The following ITPR2 variants were observed in gnomAD, a reference collection of about 807,000 sequenced individuals.
The protein encoded by ITPR2 is inositol 1,4,5-trisphosphate receptor type 2.
In ITPR2, 207 loss-of-function variants were observed where a neutral mutation model predicts 317.1. The observed-to-expected ratio is 0.65, with a 90% CI of 0.58 to 0.73. The LOEUF (loss-of-function observed/expected upper bound fraction) is 0.73. Ranked by LOEUF, ITPR2 falls within the 30% of genes least tolerant of loss-of-function variation. The pLI, the probability that ITPR2 is intolerant of heterozygous loss-of-function variation, is 0.00. For synonymous variants in ITPR2, 1,156 were observed against 1,149.1 expected, an observed-to-expected ratio of 1.01 and a Z score of -0.12; for missense variants, 2,613 against 3,284.0, an observed-to-expected ratio of 0.80 and a Z score of 4.99.
At chr12:26,820,982 A>G (rs1313477801) in intron 1 of ITPR2, among the ~76,000 whole-genome samples, 1 of 152,142 alleles carries the variant, frequency 6.6e-6, no homozygotes, top group Non-Finnish European at 1.5e-5. Context: ...GGGTAAGGAG[A>G]GAATGGGAAT....
chr12:26,779,497 G>A (rs1950039506), intron 2 of ITPR2, among the ~76,000 whole-genome samples: 1 of 152,174 alleles, frequency 6.6e-6, no homozygotes, highest in South Asian at 2.1e-4. Context: ...ACATGAGAAA[G>A]TGGCTCAAAT....
rs1443136604 is a variant in ITPR2, at chr12:26,817,051, T to G, written c.92+15639A>C. On this transcript the variant is annotated intron_variant, in intron 1 of 56. Coordinates refer to ENST00000381340, the MANE Select transcript of ITPR2 (RefSeq NM_002223.4). The stretch of plus-strand genomic sequence containing the variant: ...AAAAAATTAGCCGGGCATGGTGGCA[T>G]GCACCTGTAGTCCCAGCTACTGGGG... Among the ~76,000 whole-genome samples, 6 of 151,590 alleles carry G rather than the reference T, an allele frequency of 4.0e-5. No homozygotes were observed. The South Asian group carries it at 6.3e-4, about 16-fold the overall frequency.
At chr12:26,663,877 G>T in intron 14 of ITPR2, 31 bp from the exon 15 acceptor site, 1 of 1,544,746 alleles carries the variant, frequency 6.5e-7, no homozygotes, top group Non-Finnish European at 8.7e-7. Context: ...CACCTATTCT[G>T]ATGAATAAAA....
intron 22 of ITPR2, among the ~76,000 whole-genome samples, chr12:26,630,290 C>G (rs144414113): frequency 6.6e-6 from 1 of 150,694 alleles, no homozygotes; most frequent in South Asian, 2.1e-4. Context: ...TACGCCTAAT[C>G]AGGAAAAACA....
chr12:26,609,184 C>T (rs1216332067), intron 26 of ITPR2, among the ~76,000 whole-genome samples: 3 of 152,168 alleles, frequency 2.0e-5, no homozygotes, highest in African/African-American at 7.2e-5. Context: ...AATGTTGTTG[C>T]CTGATCTAAA....
chr12:26,641,745 C>T (rs1309372512), intron 21 of ITPR2, among the ~76,000 whole-genome samples: 1 of 152,080 alleles, frequency 6.6e-6, no homozygotes, highest in Non-Finnish European at 1.5e-5. Flanking sequence ...TTATTCTCCC[C>T]CTACTTTACT....
chr12:26,354,505 A>C (rs1031450743), intron 55 of ITPR2, among the ~76,000 whole-genome samples: 3 of 152,158 alleles, frequency 2.0e-5, no homozygotes, highest in Non-Finnish European at 4.4e-5. Context: ...ATCTGATTGT[A>C]CTGTGTTTGC....
chr12:26,653,650 G>A (rs1947309089), intron 21 of ITPR2, among the ~76,000 whole-genome samples: 1 of 152,178 alleles, frequency 6.6e-6, no homozygotes, highest in Non-Finnish European at 1.5e-5. Context: ...GCTGAGGCAG[G>A]AGAATTGCTT....
chr12:26,643,644 C>T (rs1325350301), intron 21 of ITPR2, among the ~76,000 whole-genome samples: 1 of 152,126 alleles, frequency 6.6e-6, no homozygotes, highest in African/African-American at 2.4e-5. Flanking sequence ...TTACTGGAAA[C>T]TACAGAAGAG....
intron 26 of ITPR2, among the ~76,000 whole-genome samples, chr12:26,620,460 G>C (rs551531281): frequency 6.6e-6 from 1 of 152,124 alleles, no homozygotes; most frequent in African/African-American, 2.4e-5. Flanking sequence ...CACCAGACAG[G>C]CATTTACAAA....
At chr12:26,744,766 G>A (rs1949290836) in intron 2 of ITPR2, among the ~76,000 whole-genome samples, 1 of 152,150 alleles carries the variant, frequency 6.6e-6, no homozygotes, top group Admixed American at 6.5e-5. Flanking sequence ...TAATTTCACT[G>A]GATTCTATTC....
Position 26,656,376 on chromosome 12 carries a change from G to C in ITPR2, c.2365C>G (p.Arg789Gly). 1 of 1,614,162 alleles carries C rather than the reference G, an allele frequency of 6.2e-7. No individual in the cohort carries two copies. Among genetic ancestry groups the C allele is most frequent in the Non-Finnish European group, 8.5e-7 (1 of 1,180,032 alleles). ...CRLMLHMHVDRDPQESVVPVR... is the reference protein window; with the variant it reads ...CRLMLHMHVDGDPQESVVPVR... ...GGCACCACGGACTCCTGGGGATCCC[G>C]GTCAACGTGCATGTGGAGCATGAGG... The change falls in exon 19 of 57, where the codon CGG becomes GGG. Residue 789 changes from arginine to glycine, a missense_variant. By Grantham distance (125) the Arg-to-Gly change is moderately radical. Around this residue, in one of 9 missense-constraint regions of ITPR2, gnomAD observed 817 missense variants for 897.6 expected, o/e 0.91. Transcript: ENST00000381340.
intron 54 of ITPR2, among the ~76,000 whole-genome samples, chr12:26,395,053 G>A (rs979187513): frequency 7.9e-5 from 12 of 152,164 alleles, no homozygotes; most frequent in African/African-American, 2.9e-4. Flanking sequence ...AGACATGCCT[G>A]TCTAACTGTC....
At chr12:26,697,001 G>C (rs940835133) in intron 9 of ITPR2, among the ~76,000 whole-genome samples, 7 of 152,204 alleles carry the variant, frequency 4.6e-5, no homozygotes, top group Admixed American at 2.6e-4. Context: ...GGTGTGAAGA[G>C]AGAAAAGGAA....
At chr12:26,401,504 T>C (rs1940175784) in intron 52 of ITPR2, among the ~76,000 whole-genome samples, 1 of 152,220 alleles carries the variant, frequency 6.6e-6, no homozygotes, top group Admixed American at 6.5e-5. Context: ...GGGATCCAAC[T>C]TGAAACATAA....
rs534391912 is a variant in ITPR2 at position 26,504,740 on chromosome 12, A to T, written c.5074-9480T>A. Reference sequence around the variant, plus strand: ...TGCTCAAGGAAACAAATAGTATCCCATCCTAGACATTTATATCTGCATGAT... The same window carrying T: ...TGCTCAAGGAAACAAATAGTATCCCTTCCTAGACATTTATATCTGCATGAT... On this transcript the variant is annotated intron_variant, in intron 37 of 56. Coordinates refer to ENST00000381340, the MANE Select transcript of ITPR2 (RefSeq NM_002223.4). Among the ~76,000 whole-genome samples, 3 of 152,334 alleles carry T rather than the reference A, an allele frequency of 2.0e-5. No individual in the cohort carries two copies. The South Asian group carries it at 6.2e-4, about 32-fold the overall frequency.
At chr12:26,771,584 G>A (rs35143480) in intron 2 of ITPR2, among the ~76,000 whole-genome samples, 31,171 of 152,064 alleles carry the variant, frequency 0.2, 3,853 homozygotes, top group Non-Finnish European at 0.28. Flanking sequence ...GTGCGATCTC[G>A]GCTCACTGCA....
intron 26 of ITPR2, 22 bp downstream of exon 26, chr12:26,621,101 C>T (rs1377719142): frequency 4.4e-6 from 7 of 1,597,352 alleles, no homozygotes; most frequent in South Asian, 1.1e-5. Flanking sequence ...GGGAGTATTT[C>T]GAAATAGATC....
intron 13 of ITPR2, among the ~76,000 whole-genome samples, chr12:26,672,616 C>T (rs1339578174): frequency 4.0e-5 from 6 of 151,062 alleles, no homozygotes; most frequent in African/African-American, 1.5e-4. Flanking sequence ...CCAAAATTGA[C>T]ACCCTAACAT....
Sources: gnomAD v4.1 joint callset for allele counts (sites outside exome capture counted in the v4.1 genomes callset) on GRCh38, gnomAD v4.1.1 for gene constraint, gnomAD v4.1.1 regional missense constraint, MANE v1.5 for transcripts, NCBI Gene and HGNC (gene_info 2026-07-23, HGNC 2026-07-21) for gene names.